The following PACRGL variants were observed in gnomAD, a reference collection of about 807,000 sequenced individuals.
PACRGL encodes parkin coregulated like, also known as PACRG-like protein.
In PACRGL, 38 loss-of-function variants were observed where a neutral mutation model predicts 34.5. That is an observed-to-expected ratio of 1.10 (90% confidence interval 0.85 to 1.44). PACRGL has a LOEUF of 1.44. Ranked by LOEUF, PACRGL falls within the 40% of genes most tolerant of loss-of-function variation. The pLI is 0.00. For synonymous variants in PACRGL, 128 were observed against 100.1 expected, an observed-to-expected ratio of 1.28 and a Z score of -1.66; for missense variants, 305 against 281.4, an observed-to-expected ratio of 1.08 and a Z score of -0.60.
rs1747970186 is a variant in PACRGL, at chr4:20,730,915, A to G, written c.*3574A>G. ...TAGAAACCAAGTAACATCACCGTCA[A>G]GCAGCTTAATGTCACCAAATTAATT... On this transcript the variant is annotated 3_prime_UTR_variant, in exon 9 of 9. Coordinates refer to ENST00000503585, the MANE Select transcript of PACRGL (RefSeq NM_001258345.3). 6.6e-6 allele frequency among the ~76,000 whole-genome samples: 1 copy of G among 152,180 alleles called. No homozygotes were observed. Among genetic ancestry groups the G allele is most frequent in the Non-Finnish European group, 1.5e-5 (1 of 68,040 alleles).
chr4:20,765,131 A>G, the PACRGL span, among the ~76,000 whole-genome samples: 1 of 152,166 alleles, frequency 6.6e-6, no homozygotes, highest in South Asian at 2.1e-4. Context: ...GCCTTTTACT[A>G]TTCTGGGCAC....
chr4:20,753,290 A>G (rs1184256636), downstream of PACRGL, among the ~76,000 whole-genome samples: 4 of 152,150 alleles, frequency 2.6e-5, no homozygotes, highest in Non-Finnish European at 5.9e-5. Flanking sequence ...GAAATCGAGG[A>G]TACTAGAGTA....
intron 8 of PACRGL, among the ~76,000 whole-genome samples, chr4:20,726,576 A>G (rs1020306543): frequency 6.6e-6 from 1 of 152,166 alleles, no homozygotes; most frequent in Non-Finnish European, 1.5e-5. Context: ...CTAAGACCTT[A>G]AAAGCTTATA....
chr4:20,718,316 C>G (rs1199873360), intron 7 of PACRGL, among the ~76,000 whole-genome samples: 2 of 152,108 alleles, frequency 1.3e-5, no homozygotes, highest in Non-Finnish European at 2.9e-5. Context: ...ATTGAATACC[C>G]TTTATTTCTT....
chr4:20,713,783 C>T (rs1327290015), intron 7 of PACRGL, among the ~76,000 whole-genome samples: 1 of 152,150 alleles, frequency 6.6e-6, no homozygotes, highest in Non-Finnish European at 1.5e-5. Flanking sequence ...ACAGGTTGTT[C>T]AGTTTCCATG....
intron 3 of PACRGL, among the ~76,000 whole-genome samples, chr4:20,706,210 A>C (rs1255682252): frequency 6.6e-6 from 1 of 152,126 alleles, no homozygotes; most frequent in African/African-American, 2.4e-5. Context: ...AGATGAAACC[A>C]TGATTATCTC....
intron 8 of PACRGL, among the ~76,000 whole-genome samples, chr4:20,747,771 GTA>G (rs1287981825): frequency 6.6e-6 from 1 of 152,166 alleles, no homozygotes; most frequent in Non-Finnish European, 1.5e-5. Flanking sequence ...TGAGCATGGA[GTA>G]TGTGTGAGGA....
chr4:20,731,260 G>T lies in PACRGL; in HGVS notation c.*3919G>T. ...AACTTAATTTTTTTTTGTAGAGATA[G>T]ATAGGGTCTTGCTATGTTGCCCACA... is the stretch of plus-strand genomic sequence containing the variant. On this transcript the variant is annotated 3_prime_UTR_variant, in exon 9 of 9. Transcript: ENST00000503585. 2.8e-6 allele frequency: 1 copy of T among 351,600 alleles called. No individual in the cohort carries two copies. Among genetic ancestry groups the T allele is most frequent in the Non-Finnish European group, 4.0e-6 (1 of 251,786 alleles). 21.8% of individuals were successfully genotyped at this position (351,600 alleles called of 1,614,324 possible).
At chr4:20,703,114 A>T (rs1469676484) in intron 1 of PACRGL, among the ~76,000 whole-genome samples, 4 of 152,216 alleles carry the variant, frequency 2.6e-5, no homozygotes, top group Non-Finnish European at 4.4e-5. Context: ...GAATCATTTT[A>T]AAAAGTATCA....
At chr4:20,761,335 C>T in the PACRGL span, among the ~76,000 whole-genome samples, 1 of 152,132 alleles carries the variant, frequency 6.6e-6, no homozygotes, top group Non-Finnish European at 1.5e-5. Context: ...CTCTGAAGGA[C>T]CCTAATACAT....
chr4:20,703,852 T>C (rs968373450), intron 1 of PACRGL, among the ~76,000 whole-genome samples: 1 of 152,150 alleles, frequency 6.6e-6, no homozygotes, highest in Non-Finnish European at 1.5e-5. Flanking sequence ...ACGTGTAGCA[T>C]TGAGTGTAGG....
intron 8 of PACRGL, among the ~76,000 whole-genome samples, chr4:20,738,129 C>CAA (rs200429048): frequency 4.1e-4 from 47 of 115,580 alleles, no homozygotes; most frequent in East Asian, 2.0e-3. Flanking sequence ...GACTCTGTCT[C>CAA]AAAAAAAAAA....
chr4:20,733,923 T>C (rs1461470901), downstream of PACRGL, among the ~76,000 whole-genome samples: 1 of 152,146 alleles, frequency 6.6e-6, no homozygotes, highest in Admixed American at 6.5e-5. Flanking sequence ...TTCATGTCAT[T>C]TGCTGTTGGC....
At chr4:20,742,315 T>G (rs1751318149) in intron 8 of PACRGL, among the ~76,000 whole-genome samples, 1 of 152,132 alleles carries the variant, frequency 6.6e-6, no homozygotes, top group African/African-American at 2.4e-5. Flanking sequence ...GCAAAAATCC[T>G]CAATAAAATA....
rs545023433 is a variant in PACRGL, at chr4:20,740,422, A to G, written c.*57-12143A>G. ...AAGCCAGAAGAGAGTGGGGGCCAAT[A>G]TTCAACACTCTTACAGAATTTTCAA... On this transcript the variant is annotated intron_variant, in intron 8 of 8. Transcript: ENST00000507634. 2.7e-3 allele frequency among the ~76,000 whole-genome samples: 416 copies of G among 152,330 alleles called. 1 individual carries two copies. The highest frequency in any genetic ancestry group is 4.2e-3 in the Non-Finnish European group (289 of 68,024).
chr4:20,743,920 GA>G (rs56209007), intron 8 of PACRGL, among the ~76,000 whole-genome samples: 16,975 of 141,748 alleles, frequency 0.12, 1,174 homozygotes, highest in Middle Eastern at 0.2. Flanking sequence ...AAATTTACAA[GA>G]AAAAAAAAAA....
intron 7 of PACRGL, among the ~76,000 whole-genome samples, chr4:20,717,890 A>C (rs976578693): frequency 6.6e-6 from 1 of 152,122 alleles, no homozygotes; most frequent in African/African-American, 2.4e-5. Context: ...TGGTAGCTCG[A>C]TGGGGATGGC....
At chr4:20,750,594 T>C (rs906653681) in intron 8 of PACRGL, among the ~76,000 whole-genome samples, 1 of 152,188 alleles carries the variant, frequency 6.6e-6, no homozygotes, top group Non-Finnish European at 1.5e-5. Context: ...TTCCTGTTTC[T>C]CCGTTGTCTC....
At chr4:20,725,889 C>T (rs532326613) in intron 8 of PACRGL, among the ~76,000 whole-genome samples, 1 of 151,790 alleles carries the variant, frequency 6.6e-6, no homozygotes, top group Non-Finnish European at 1.5e-5. Flanking sequence ...CATTCAGACA[C>T]CTTGTTGAGG....
Sources: gnomAD v4.1 joint callset for allele counts (sites outside exome capture counted in the v4.1 genomes callset) on GRCh38, gnomAD v4.1.1 for gene constraint, MANE v1.5 for transcripts, NCBI Gene and HGNC (gene_info 2026-07-23, HGNC 2026-07-21) for gene names.